Variants in DACH1 observed in about 807,000 individuals in gnomAD.
DACH1 encodes the protein dachshund homolog 1.
In DACH1, 12 loss-of-function variants were observed where a neutral mutation model predicts 54.2. The observed-to-expected ratio is 0.22, with a 90% CI of 0.14 to 0.36. The LOEUF is 0.36. Ranked by LOEUF, DACH1 falls within the 10% of genes least tolerant of loss-of-function variation. The probability of loss-of-function intolerance (pLI) is 1.00; values close to 1 mark genes in which losing one functional copy is unlikely to be tolerated. For synonymous variants in DACH1, 386 were observed against 366.2 expected (o/e 1.05, Z -0.62); for missense variants, 805 against 929.8 (o/e 0.87, Z 1.75).
intron 1 of DACH1, among the ~76,000 whole-genome samples, chr13:71,706,388 G>C (rs11148886): frequency 0.25 from 38,592 of 151,870 alleles, 12,061 homozygotes; most frequent in African/African-American, 0.74. Flanking sequence ...ATAACAGCCT[G>C]CTTAATTGAA....
At chr13:71,678,046 AAATT>A (rs1194045627) in intron 2 of DACH1, among the ~76,000 whole-genome samples, 2 of 152,170 alleles carry the variant, frequency 1.3e-5, no homozygotes, top group African/African-American at 2.4e-5. Flanking sequence ...AAATTTGTCT[AAATT>A]AATCCATTTT....
rs1181662114 is a variant in DACH1 at position 71,807,374 on chromosome 13, G to A, written c.848+58548C>T. Among the ~76,000 whole-genome samples the A allele has an allele frequency of 7.1e-5, 9 of 126,934 alleles. No individual in the cohort carries two copies. The East Asian group carries it at 9.4e-4, about 13-fold the overall frequency. The allele number at this position is 126,934 out of a possible 152,430, so 83.3% of individuals were successfully genotyped here. A position where few individuals can be genotyped will look rare whatever the true frequency, so the allele number is the denominator to read the frequency against. On this transcript the variant is annotated intron_variant, in intron 1 of 10. Coordinates refer to ENST00000613252, the MANE Select transcript of DACH1 (RefSeq NM_080759.6). ...TTGCCAGTTCATTCGCACTTCCCTC[G>A]CCCCTGTCATTTTATAACGTTCTGT...
chr13:71,548,686 G>A (rs1593872603), intron 6 of DACH1, among the ~76,000 whole-genome samples: 1 of 152,116 alleles, frequency 6.6e-6, no homozygotes, highest in South Asian at 2.1e-4. Flanking sequence ...GGATGCTGAG[G>A]TGGGTGGATT....
At chr13:71,759,351 C>CT (rs1402185653) in intron 1 of DACH1, among the ~76,000 whole-genome samples, 1 of 151,792 alleles carries the variant, frequency 6.6e-6, no homozygotes, top group Non-Finnish European at 1.5e-5. Flanking sequence ...AAAAGAGTGC[C>CT]TTTTTTGGGA....
At chr13:71,572,628 T>A (rs1885281419) in intron 4 of DACH1, among the ~76,000 whole-genome samples, 1 of 152,128 alleles carries the variant, frequency 6.6e-6, no homozygotes, top group Non-Finnish European at 1.5e-5. Flanking sequence ...TTTTTCTCTA[T>A]CTTAATAGAT....
intron 3 of DACH1, among the ~76,000 whole-genome samples, chr13:71,575,953 A>G (rs1334334491): frequency 6.6e-6 from 1 of 152,102 alleles, no homozygotes; most frequent in Non-Finnish European, 1.5e-5. Context: ...AATAAATAAG[A>G]ATTGAAAATA....
At chr13:71,546,951 TA>T (rs1028759587) in intron 6 of DACH1, among the ~76,000 whole-genome samples, 9 of 152,236 alleles carry the variant, frequency 5.9e-5, no homozygotes, top group African/African-American at 1.9e-4. Flanking sequence ...TGGTTACCTC[TA>T]AATCTCGCTC....
chr13:71,476,253 T>C (rs941044895), intron 8 of DACH1, among the ~76,000 whole-genome samples: 2 of 152,170 alleles, frequency 1.3e-5, no homozygotes, highest in African/African-American at 4.8e-5. Flanking sequence ...GCATGCCTCC[T>C]TCCTATTTCC....
chr13:71,585,213 CAAAT>C (rs1324765671), intron 3 of DACH1, among the ~76,000 whole-genome samples: 3 of 122,152 alleles, frequency 2.5e-5, no homozygotes, highest in East Asian at 5.7e-4. Context: ...AAAAAATAAA[CAAAT>C]AAATAAAGTA....
At chr13:71,464,966 T>C (rs941643266) in intron 10 of DACH1, among the ~76,000 whole-genome samples, 28 of 152,016 alleles carry the variant, frequency 1.8e-4, no homozygotes, top group African/African-American at 6.8e-4. Context: ...ATAGGGGAAT[T>C]AGAAAGTGTG....
At chr13:71,734,085 AAT>A (rs150641409) in intron 1 of DACH1, among the ~76,000 whole-genome samples, 52 of 149,818 alleles carry the variant, frequency 3.5e-4, no homozygotes, top group Middle Eastern at 3.5e-3. Context: ...AACACACTTG[AAT>A]ATATATGTGT....
In DACH1 at chr13:71,867,137, A is replaced by G. The variant is rs1874888483; in HGVS notation, c.-368T>C. On this transcript the variant is annotated 5_prime_UTR_variant, in exon 1 of 11. Transcript: ENST00000613252. Reference sequence around the variant, plus strand: ...AGCACAAAGTTAAGGATGAAGGTGAAAAGGAGGAGGTTTGAAGGACTTGGG... The same window carrying G: ...AGCACAAAGTTAAGGATGAAGGTGAGAAGGAGGAGGTTTGAAGGACTTGGG... 5.2e-6 allele frequency: 1 copy of G among 193,928 alleles called. No homozygotes were observed. Among genetic ancestry groups the G allele is most frequent in the Admixed American group, 6.1e-5 (1 of 16,340 alleles). 12.0% of individuals were successfully genotyped at this position (193,928 alleles called of 1,614,324 possible). A position where few individuals can be genotyped will look rare whatever the true frequency, so the allele number is the denominator to read the frequency against.
intron 1 of DACH1, among the ~76,000 whole-genome samples, chr13:71,774,271 C>A (rs527636885): frequency 6.6e-6 from 1 of 152,090 alleles, no homozygotes; most frequent in Non-Finnish European, 1.5e-5. Flanking sequence ...AAGGTAGAAG[C>A]TACATTGCCA....
intron 1 of DACH1, among the ~76,000 whole-genome samples, chr13:71,864,101 A>G (rs1874533466): frequency 1.3e-5 from 2 of 151,600 alleles, no homozygotes; most frequent in African/African-American, 2.4e-5. Context: ...AATGACGTTT[A>G]GTGATCTTGC....
At chr13:71,719,210 T>C (rs1201032842) in intron 1 of DACH1, among the ~76,000 whole-genome samples, 2 of 152,214 alleles carry the variant, frequency 1.3e-5, no homozygotes, top group Non-Finnish European at 2.9e-5. Flanking sequence ...CTCCTTCTTC[T>C]GTATGAATGC....
intron 6 of DACH1, among the ~76,000 whole-genome samples, chr13:71,508,715 C>T (rs995765523): frequency 6.6e-6 from 1 of 152,036 alleles, no homozygotes; most frequent in African/African-American, 2.4e-5. Flanking sequence ...CATCCTCCTG[C>T]CTCAGCCTCC....
At chr13:71,542,097 A>G (rs1389257986) in intron 6 of DACH1, among the ~76,000 whole-genome samples, 1 of 151,910 alleles carries the variant, frequency 6.6e-6, no homozygotes. Context: ...AAAATACTAA[A>G]AAATTAGCTG....
At chr13:71,841,214 C>T (rs1407717463) in intron 1 of DACH1, among the ~76,000 whole-genome samples, 2 of 152,086 alleles carry the variant, frequency 1.3e-5, no homozygotes, top group Non-Finnish European at 2.9e-5. Flanking sequence ...CCCAGGGTTT[C>T]TAACAGCATT....
chr13:71,574,543 A>G (rs1417099753), intron 3 of DACH1, among the ~76,000 whole-genome samples: 3 of 152,096 alleles, frequency 2.0e-5, no homozygotes, highest in Non-Finnish European at 4.4e-5. Context: ...AATGAAGAAT[A>G]CTTAGTTACT....
Sources: gnomAD v4.1 joint callset for allele counts (sites outside exome capture counted in the v4.1 genomes callset) on GRCh38, gnomAD v4.1.1 for gene constraint, MANE v1.5 for transcripts, NCBI Gene and HGNC (gene_info 2026-07-23, HGNC 2026-07-21) for gene names.